The following PIGU variants were observed in gnomAD, a reference collection of about 807,000 sequenced individuals.
PIGU encodes phosphatidylinositol glycan anchor biosynthesis class U.
A neutral mutation model predicts 49.9 loss-of-function variants in PIGU; 24 were observed. The ratio of observed to expected loss-of-function variants is 0.48; its 90% confidence interval spans 0.35 to 0.68. PIGU has a LOEUF of 0.68. Among genes scored for constraint, PIGU ranks in the 30% least tolerant of loss-of-function variants. The pLI, the probability that PIGU is intolerant of heterozygous loss-of-function variation, is 0.01. For missense variants in PIGU, 490 were observed against 532.6 expected, an observed-to-expected ratio of 0.92 and a Z score of 0.79; for synonymous variants, 220 against 205.7, an observed-to-expected ratio of 1.07 and a Z score of -0.59.
chr20:34,584,504 CTT>C (rs5841174), intron 9 of PIGU, among the ~76,000 whole-genome samples: 1,257 of 66,388 alleles, frequency 0.019, 11 homozygotes, highest in African/African-American at 0.052. Flanking sequence ...AACTCCTGTT[CTT>C]TTTTTTTTTT....
At chr20:34,575,475 C>G (rs1191328839) in intron 10 of PIGU, among the ~76,000 whole-genome samples, 1 of 152,216 alleles carries the variant, frequency 6.6e-6, no homozygotes, top group Non-Finnish European at 1.5e-5. Context: ...TTTCCTCCCA[C>G]TGTGGGCTTG....
At chr20:34,650,700 C>CTCTTTTTT (rs1986509194) in intron 2 of PIGU, among the ~76,000 whole-genome samples, 10 of 38,800 alleles carry the variant, frequency 2.6e-4, no homozygotes, top group African/African-American at 4.6e-4. Context: ...CTTTTTTTCT[C>CTCTTTTTT]TTTTTTTTTT....
At chr20:34,654,056 G>A (rs186876163) in intron 2 of PIGU, among the ~76,000 whole-genome samples, 9,626 of 83,058 alleles carry the variant, frequency 0.12, 980 homozygotes, top group Middle Eastern at 0.22. Context: ...ACGGGGTTTC[G>A]CCATATTGGC....
At chr20:34,658,184 G>A (rs1405950510) in intron 1 of PIGU, among the ~76,000 whole-genome samples, 3 of 152,254 alleles carry the variant, frequency 2.0e-5, no homozygotes, top group African/African-American at 7.2e-5. Flanking sequence ...TGGTGGAGAC[G>A]GGGTTTCGCT....
At chr20:34,576,120 ATCC>A (rs928924879) in intron 10 of PIGU, among the ~76,000 whole-genome samples, 13 of 152,126 alleles carry the variant, frequency 8.5e-5, no homozygotes, top group Admixed American at 8.5e-4. Flanking sequence ...CATGCCTGTA[ATCC>A]CAGCACTTTG....
At chr20:34,614,208 G>C (rs1397384259) in intron 7 of PIGU, among the ~76,000 whole-genome samples, 1 of 152,080 alleles carries the variant, frequency 6.6e-6, no homozygotes, top group Non-Finnish European at 1.5e-5. Context: ...GAGGTGAAAG[G>C]ATTGCTTGTG....
chr20:34,570,468 G>A (rs1600586649), intron 11 of PIGU, among the ~76,000 whole-genome samples: 1 of 150,750 alleles, frequency 6.6e-6, no homozygotes, highest in East Asian at 1.9e-4. Flanking sequence ...AGGCTGGAGT[G>A]CAGTGGCACG....
intron 1 of PIGU, among the ~76,000 whole-genome samples, chr20:34,659,251 T>TG (rs1986839537): frequency 1.3e-5 from 1 of 78,464 alleles, no homozygotes; most frequent in Admixed American, 1.3e-4. Context: ...GGGAGGGAGG[T>TG]GGGGGGGTCA....
chr20:34,594,778 A>C (rs1035965253), intron 7 of PIGU, among the ~76,000 whole-genome samples: 17 of 152,230 alleles, frequency 1.1e-4, no homozygotes, highest in Admixed American at 1.1e-3. Context: ...CTGTCGCTAA[A>C]TAAATAAAGG....
intron 11 of PIGU, among the ~76,000 whole-genome samples, chr20:34,564,598 AT>A (rs1982667694): frequency 6.6e-6 from 1 of 152,238 alleles, no homozygotes; most frequent in South Asian, 2.1e-4. Flanking sequence ...TACACAAAAG[AT>A]TTGCACTTTT....
Position 34,616,076 on chromosome 20 carries a change from G to T in PIGU, c.593C>A (p.Thr198Asn), listed in dbSNP as rs957061722. 1 of 1,612,844 alleles carries T rather than the reference G, an allele frequency of 6.2e-7. No homozygotes were observed. The highest frequency in any genetic ancestry group is 8.5e-7 in the Non-Finnish European group (1 of 1,179,516). The change falls in exon 7 of 12, where the codon ACC becomes AAC. Residue 198 changes from threonine (T) to asparagine (N), a missense_variant. By Grantham distance (65) the Thr-to-Asn change is moderately conservative (BLOSUM62 0). Transcript: ENST00000217446. ...ATAGAGGAGTCCTGGGACAAACAAG[G>T]TGAGTGGGTACAGAGACTGGTATGT... ...LATYQSLYPLTLFVPGLLYLL... is the reference protein window; with the variant it reads ...LATYQSLYPLNLFVPGLLYLL...
chr20:34,668,381 G>A (rs1464031765), intron 1 of PIGU, among the ~76,000 whole-genome samples: 1 of 142,760 alleles, frequency 7.0e-6, no homozygotes, highest in African/African-American at 2.6e-5. Flanking sequence ...AGAATCTCCT[G>A]AATCTGGGAG....
At chr20:34,667,998 T>C (rs1415028143) in intron 1 of PIGU, among the ~76,000 whole-genome samples, 1 of 151,904 alleles carries the variant, frequency 6.6e-6, no homozygotes, top group African/African-American at 2.4e-5. Flanking sequence ...GGGGTATTCT[T>C]CCCCAAAATC....
chr20:34,668,129 G>A (rs1987158550), intron 1 of PIGU, among the ~76,000 whole-genome samples: 1 of 152,050 alleles, frequency 6.6e-6, no homozygotes, highest in Non-Finnish European at 1.5e-5. Flanking sequence ...AAATGCTAAG[G>A]AACTATCACA....
At chr20:34,631,522 C>T (rs1264422398) in intron 6 of PIGU, among the ~76,000 whole-genome samples, 1 of 149,256 alleles carries the variant, frequency 6.7e-6, no homozygotes, top group East Asian at 2.0e-4. Flanking sequence ...TTTCAAAACG[C>T]TCAGGATAAA....
intron 7 of PIGU, among the ~76,000 whole-genome samples, chr20:34,610,554 G>C (rs1178549467): frequency 6.6e-6 from 1 of 152,110 alleles, no homozygotes; most frequent in East Asian, 1.9e-4. Flanking sequence ...GGAAATAAGA[G>C]AGGACACAAA....
At chr20:34,623,852 T>C (rs750679941) in intron 6 of PIGU, among the ~76,000 whole-genome samples, 2 of 152,158 alleles carry the variant, frequency 1.3e-5, no homozygotes, top group Non-Finnish European at 2.9e-5. Flanking sequence ...GGCTTTGAAG[T>C]TGGGTTGACC....
At chr20:34,662,794 C>T (rs1187302929) in intron 1 of PIGU, among the ~76,000 whole-genome samples, 1 of 152,200 alleles carries the variant, frequency 6.6e-6, no homozygotes, top group Non-Finnish European at 1.5e-5. Context: ...TAAATGTTCA[C>T]AATGACCATT....
chr20:34,633,994 T>C (rs1985876913), intron 6 of PIGU, among the ~76,000 whole-genome samples: 1 of 152,168 alleles, frequency 6.6e-6, no homozygotes, highest in Non-Finnish European at 1.5e-5. Flanking sequence ...AGCCAGAAAG[T>C]AGTTGCTTCA....
Sources: gnomAD v4.1 joint callset for allele counts (sites outside exome capture counted in the v4.1 genomes callset) on GRCh38, gnomAD v4.1.1 for gene constraint, MANE v1.5 for transcripts, NCBI Gene and HGNC (gene_info 2026-07-23, HGNC 2026-07-21) for gene names.